CARMIL1: variants seen among roughly 807,000 people sequenced by gnomAD.
The protein encoded by CARMIL1 is capping protein regulator and myosin 1 linker 1, also known as F-actin-uncapping protein LRRC16A.
In CARMIL1, 90 loss-of-function variants were observed where a neutral mutation model predicts 177.1. That is an observed-to-expected ratio of 0.51 (90% confidence interval 0.43 to 0.61). The LOEUF (loss-of-function observed/expected upper bound fraction) is 0.61. CARMIL1 is among the 20% of genes least tolerant of loss of function. The pLI is 0.00. For missense variants in CARMIL1, 1,380 were observed against 1,667.0 expected (o/e 0.83, Z 3.00); for synonymous variants, 577 against 606.2 (o/e 0.95, Z 0.71).
intron 2 of CARMIL1, among the ~76,000 whole-genome samples, chr6:25,332,658 A>G (rs1287823144): frequency 6.6e-6 from 1 of 151,826 alleles, no homozygotes; most frequent in Admixed American, 6.6e-5. Flanking sequence ...TACATATCCA[A>G]ATGGAGATGT....
chr6:25,428,958 A>T (rs1374574845), intron 4 of CARMIL1, among the ~76,000 whole-genome samples: 1 of 152,192 alleles, frequency 6.6e-6, no homozygotes, highest in Non-Finnish European at 1.5e-5. Flanking sequence ...TACAAAGATG[A>T]TGTCATTTGT....
chr6:25,396,657 T>A lies in CARMIL1; in HGVS notation c.139-23457T>A, dbSNP rs181949801. On this transcript the variant is annotated intron_variant, in intron 2 of 36. Coordinates refer to ENST00000329474, the MANE Select transcript of CARMIL1 (RefSeq NM_017640.6). ...GATTACAGGCGTGGGCCACCATGCCTGGCCGTTTTAATCTTAAGGTAGTTT... is the reference window on the plus strand; with the variant it reads ...GATTACAGGCGTGGGCCACCATGCCAGGCCGTTTTAATCTTAAGGTAGTTT... Among the ~76,000 whole-genome samples, 703 of 152,320 alleles carry A rather than the reference T, an allele frequency of 4.6e-3. 4 individuals carry two copies. Among genetic ancestry groups the A allele is most frequent in the African/African-American group, 0.016 (654 of 41,572 alleles).
chr6:25,317,562 CTTTTTTT>C (rs33992407), intron 2 of CARMIL1, among the ~76,000 whole-genome samples: 1 of 107,160 alleles, frequency 9.3e-6, no homozygotes, highest in African/African-American at 3.9e-5. Context: ...TTACTTAGGA[CTTTTTTT>C]TTTTTTTTTT....
chr6:25,548,982 T>C (rs543540130), intron 26 of CARMIL1, among the ~76,000 whole-genome samples: 1 of 152,300 alleles, frequency 6.6e-6, no homozygotes, highest in African/African-American at 2.4e-5. Flanking sequence ...TGCTGTATTG[T>C]ACTGTTGGGA....
chr6:25,490,327 GCAAA>G (rs1449268671), intron 13 of CARMIL1, among the ~76,000 whole-genome samples: 1 of 152,276 alleles, frequency 6.6e-6, no homozygotes, highest in South Asian at 2.1e-4. Flanking sequence ...TTTTTGCCAG[GCAAA>G]CAGAGAGAGA....
chr6:25,604,608 C>G (rs575426312), intron 33 of CARMIL1, among the ~76,000 whole-genome samples: 1 of 152,296 alleles, frequency 6.6e-6, no homozygotes, highest in East Asian at 1.9e-4. Context: ...ACCCCAGAGT[C>G]CTGACCGTAA....
chr6:25,382,880 C>T (rs1466447222), intron 2 of CARMIL1, among the ~76,000 whole-genome samples: 3 of 152,222 alleles, frequency 2.0e-5, no homozygotes, highest in African/African-American at 7.2e-5. Context: ...AGTGATCTGC[C>T]TGCCTGGGCC....
chr6:25,362,665 G>A (rs1026031689), intron 2 of CARMIL1, among the ~76,000 whole-genome samples: 3 of 151,952 alleles, frequency 2.0e-5, no homozygotes, highest in Non-Finnish European at 4.4e-5. Flanking sequence ...CAGAGACTCC[G>A]TCTCAAAAAC....
At chr6:25,417,883 G>A (rs1469737412) in intron 2 of CARMIL1, among the ~76,000 whole-genome samples, 1 of 152,152 alleles carries the variant, frequency 6.6e-6, no homozygotes, top group African/African-American at 2.4e-5. Context: ...GATTAAGTGT[G>A]CCACTCTCCT....
At chr6:25,303,917 A>T (rs1783063862) in intron 2 of CARMIL1, among the ~76,000 whole-genome samples, 1 of 152,248 alleles carries the variant, frequency 6.6e-6, no homozygotes, top group Non-Finnish European at 1.5e-5. Context: ...AGGGAACTTC[A>T]TCATTGGGTT....
At chr6:25,490,634 G>A (rs1226071053) in intron 13 of CARMIL1, among the ~76,000 whole-genome samples, 1 of 151,964 alleles carries the variant, frequency 6.6e-6, no homozygotes, top group Non-Finnish European at 1.5e-5. Context: ...GGAAGTGGAG[G>A]TGGCGGTGAG....
At chr6:25,434,339 T>C (rs1328334316) in intron 4 of CARMIL1, among the ~76,000 whole-genome samples, 2 of 152,160 alleles carry the variant, frequency 1.3e-5, no homozygotes, top group Non-Finnish European at 2.9e-5. Context: ...ACAAGTTAGT[T>C]TGTACTTATT....
intron 15 of CARMIL1, among the ~76,000 whole-genome samples, chr6:25,494,327 C>T (rs1297467503): frequency 6.6e-6 from 1 of 152,080 alleles, no homozygotes; most frequent in Non-Finnish European, 1.5e-5. Context: ...TTTACATATA[C>T]TGACTTATTC....
In CARMIL1 at chr6:25,354,831, G is replaced by T. The variant is rs575859112; in HGVS notation, c.139-65283G>T. On this transcript the variant is annotated intron_variant, in intron 2 of 36. Coordinates refer to ENST00000329474, the MANE Select transcript of CARMIL1 (RefSeq NM_017640.6). ...TGGGAGGGAGTCTAATTTTGTTGCA[G>T]ATCTATATCCATTCCAACAGTTCTC... Among the ~76,000 whole-genome samples, 8 of 152,208 alleles carry T rather than the reference G, an allele frequency of 5.3e-5. No homozygotes were observed. In the East Asian group the frequency reaches 9.7e-4, roughly 18 times the overall value.
In CARMIL1 at chr6:25,610,074, G is replaced by A; in HGVS notation, c.3872G>A (p.Ser1291Asn). ...GATGACATTCCAGACTCTCCATCTA[G>A]CCCGAAAGTTGCCCTTCTTCCACCT... ...RPDDIPDSPS[S>N]PKVALLPPVL... is the part of the protein sequence containing the mutation. The change falls in exon 36 of 37, where the codon AGC becomes AAC. Residue 1291 changes from serine (S) to asparagine (N), a missense_variant. Coordinates refer to ENST00000329474, the MANE Select transcript of CARMIL1 (RefSeq NM_017640.6). 1 of 1,613,832 alleles carries A rather than the reference G, an allele frequency of 6.2e-7. No individual in the cohort carries two copies. Among genetic ancestry groups the A allele is most frequent in the South Asian group, 1.1e-5 (1 of 91,066 alleles).
At chr6:25,319,531 G>T (rs926059220) in intron 2 of CARMIL1, among the ~76,000 whole-genome samples, 2 of 152,066 alleles carry the variant, frequency 1.3e-5, no homozygotes, top group African/African-American at 4.8e-5. Flanking sequence ...GGTCTTTTCA[G>T]TAGGGGAGGG....
chr6:25,535,294 A>C (rs1207367197), intron 24 of CARMIL1, among the ~76,000 whole-genome samples: 1 of 152,150 alleles, frequency 6.6e-6, no homozygotes, highest in African/African-American at 2.4e-5. Context: ...CAGCGTAGGC[A>C]TGGGAAAAGG....
intron 31 of CARMIL1, among the ~76,000 whole-genome samples, chr6:25,585,238 C>T (rs2151264827): frequency 6.6e-6 from 1 of 152,310 alleles, no homozygotes; most frequent in African/African-American, 2.4e-5. Context: ...AATGAGGAGG[C>T]TGTGGCTTAC....
At chr6:25,570,361 A>G (rs1811969638) in intron 29 of CARMIL1, among the ~76,000 whole-genome samples, 1 of 152,314 alleles carries the variant, frequency 6.6e-6, no homozygotes, top group Non-Finnish European at 1.5e-5. Flanking sequence ...AGTCACACAC[A>G]TTATGGTGGC....
Sources: gnomAD v4.1 joint callset for allele counts (sites outside exome capture counted in the v4.1 genomes callset) on GRCh38, gnomAD v4.1.1 for gene constraint, MANE v1.5 for transcripts, NCBI Gene and HGNC (gene_info 2026-07-23, HGNC 2026-07-21) for gene names.